The following APBA1 variants were observed in gnomAD, a reference collection of about 807,000 sequenced individuals.
APBA1 encodes amyloid-beta A4 precursor protein-binding family A member 1.
Under a neutral mutation model 86.6 loss-of-function variants are expected in APBA1, and 55 were observed. That is an observed-to-expected ratio of 0.64 (90% CI 0.51 to 0.80). APBA1 has a LOEUF of 0.80. Ranked by LOEUF, APBA1 falls within the 30% of genes least tolerant of loss-of-function variation. The pLI, the probability that APBA1 is intolerant of heterozygous loss-of-function variation, is 0.00. For missense variants in APBA1, 1,090 were observed against 1,183.0 expected (o/e 0.92, Z 1.15); for synonymous variants, 511 against 493.9 (o/e 1.03, Z -0.46).
At chr9:69,637,769 T>C (rs1253006085) in intron 1 of APBA1, among the ~76,000 whole-genome samples, 2 of 152,188 alleles carry the variant, frequency 1.3e-5, no homozygotes, top group Admixed American at 6.5e-5. Flanking sequence ...TTCAAAACTG[T>C]CATACTTTTT....
chr9:69,456,352 C>A lies in APBA1; in HGVS notation c.1683G>T (p.Arg561=), dbSNP rs368799633. The A allele has an allele frequency of 3.9e-5, 63 of 1,614,012 alleles. No individual in the cohort carries two copies. The highest frequency in any genetic ancestry group is 3.1e-4 in the East Asian group (14 of 44,894). ...CCTGGGAGTTGGAGCGAGGCATCCG[C>A]CGGCGGGCCATCAGCACAACGATGT... The part of the protein sequence containing the change: ...IGNIVVLMAR[R]RMPRSNSQEN... Residue 561 remains arginine (R), a synonymous_variant, in exon 8 of 13, where the codon CGG becomes CGT. Transcript: ENST00000265381.
intron 1 of APBA1, among the ~76,000 whole-genome samples, chr9:69,528,714 C>T (rs1211645374): frequency 6.6e-6 from 1 of 151,886 alleles, no homozygotes; most frequent in Non-Finnish European, 1.5e-5. Flanking sequence ...GGTATTAAAT[C>T]ACCAGGTACA....
chr9:69,623,351 T>C (rs1822864285), intron 1 of APBA1, among the ~76,000 whole-genome samples: 1 of 144,426 alleles, frequency 6.9e-6, no homozygotes, highest in Admixed American at 7.4e-5. Context: ...TAGATTTTCT[T>C]TTTTTTCTTT....
At chr9:69,588,550 A>C (rs1034598445) in intron 1 of APBA1, among the ~76,000 whole-genome samples, 4 of 152,000 alleles carry the variant, frequency 2.6e-5, no homozygotes, top group Non-Finnish European at 4.4e-5. Flanking sequence ...TGAGAAAAAA[A>C]AACAGTTTGG....
chr9:69,538,434 A>T (rs1836548129), intron 1 of APBA1, among the ~76,000 whole-genome samples: 1 of 152,196 alleles, frequency 6.6e-6, no homozygotes, highest in Non-Finnish European at 1.5e-5. Flanking sequence ...AAATCCATGG[A>T]ACTTAATAAG....
At chr9:69,482,711 T>G (rs1835535544) in intron 2 of APBA1, among the ~76,000 whole-genome samples, 1 of 151,808 alleles carries the variant, frequency 6.6e-6, no homozygotes, top group Admixed American at 6.6e-5. Flanking sequence ...TAGCAAAGAC[T>G]TGGAACCAAC....
At chr9:69,511,765 C>A (rs910799723) in intron 2 of APBA1, among the ~76,000 whole-genome samples, 1 of 151,850 alleles carries the variant, frequency 6.6e-6, no homozygotes, top group Non-Finnish European at 1.5e-5. Flanking sequence ...GAGTTCATGT[C>A]CTTTGTAGGG....
rs531137974 is a variant in APBA1, at chr9:69,561,749, G to A, written c.-69-44470C>T. On this transcript the variant is annotated intron_variant, in intron 1 of 12. Transcript: ENST00000265381. ...GGTTCAAGCAATTCTCCCTGCCTCA[G>A]CCTCTCAAGTAGCTGGGATTACAGG... Among the ~76,000 whole-genome samples, 174 of 151,964 alleles carry A rather than the reference G, an allele frequency of 1.1e-3. 1 individual carries two copies. Among genetic ancestry groups the A allele is most frequent in the Non-Finnish European group, 2.0e-3 (138 of 67,982 alleles).
At chr9:69,470,109 G>T (rs1287542392) in intron 4 of APBA1, among the ~76,000 whole-genome samples, 1 of 152,106 alleles carries the variant, frequency 6.6e-6, no homozygotes, top group African/African-American at 2.4e-5. Flanking sequence ...ACAAATATCA[G>T]ACCTAAACAC....
intron 2 of APBA1, among the ~76,000 whole-genome samples, chr9:69,491,540 G>T (rs1036614003): frequency 4.0e-5 from 6 of 151,220 alleles, no homozygotes; most frequent in African/African-American, 1.5e-4. Context: ...CCAACGTGGC[G>T]CATGTATACA....
At chr9:69,468,679 T>C (rs551452751) in intron 4 of APBA1, among the ~76,000 whole-genome samples, 3 of 152,376 alleles carry the variant, frequency 2.0e-5, no homozygotes, top group African/African-American at 7.2e-5. Context: ...AATTTTCTGT[T>C]CTATTTTACC....
Position 69,427,857 on chromosome 9 carries a change from C to T in APBA1, c.*3470G>A. On this transcript the variant is annotated 3_prime_UTR_variant, in exon 13 of 13. Coordinates refer to ENST00000265381, the MANE Select transcript of APBA1 (RefSeq NM_001163.4). ...AAATACAATACTATACTTCTCCCGA[C>T]ACTTTACAATAAGCTCTATTTCACC... is the stretch of plus-strand genomic sequence containing the variant. 1 of 152,274 alleles carries T rather than the reference C, an allele frequency of 6.6e-6. No individual in the cohort carries two copies. Among genetic ancestry groups the T allele is most frequent in the Admixed American group, 6.5e-5 (1 of 15,298 alleles). The allele number at this position is 152,274 out of a possible 1,614,324, so 9.4% of individuals were successfully genotyped here. A position where few individuals can be genotyped will look rare whatever the true frequency, so the allele number is the denominator to read the frequency against.
At chr9:69,432,512 C>A (rs759566638) in intron 12 of APBA1, 24 bp downstream of exon 12, 5 of 1,497,622 alleles carry the variant, frequency 3.3e-6, no homozygotes, top group Non-Finnish European at 4.5e-6. Context: ...CTCAGCACCA[C>A]CCTCAGCCCC....
At chr9:69,563,494 A>G (rs1204004817) in intron 1 of APBA1, among the ~76,000 whole-genome samples, 4 of 152,188 alleles carry the variant, frequency 2.6e-5, no homozygotes, top group Non-Finnish European at 5.9e-5. Flanking sequence ...ATTCAAAAGC[A>G]TAAAAGATGC....
At chr9:69,532,899 G>A (rs1836454892) in intron 1 of APBA1, among the ~76,000 whole-genome samples, 1 of 152,126 alleles carries the variant, frequency 6.6e-6, no homozygotes, top group South Asian at 2.1e-4. Flanking sequence ...ACCACTCAGA[G>A]GAATTTACGT....
chr9:69,491,490 A>T (rs975212084), intron 2 of APBA1, among the ~76,000 whole-genome samples: 1 of 151,930 alleles, frequency 6.6e-6, no homozygotes, highest in South Asian at 2.1e-4. Flanking sequence ...GCATTAGGAG[A>T]GATACCTAAT....
intron 1 of APBA1, among the ~76,000 whole-genome samples, chr9:69,649,267 T>C (rs1324404299): frequency 6.6e-6 from 1 of 152,150 alleles, no homozygotes; most frequent in African/African-American, 2.4e-5. Context: ...ACAAATCTGA[T>C]CATGTCTTTC....
intron 1 of APBA1, among the ~76,000 whole-genome samples, chr9:69,523,173 C>T (rs1228880932): frequency 2.0e-5 from 3 of 152,036 alleles, no homozygotes; most frequent in South Asian, 2.1e-4. Flanking sequence ...AGCAGAGGCT[C>T]GTGTTGATTT....
At chr9:69,520,143 TG>T (rs1337957912) in intron 1 of APBA1, among the ~76,000 whole-genome samples, 1 of 152,202 alleles carries the variant, frequency 6.6e-6, no homozygotes, top group African/African-American at 2.4e-5. Context: ...ACATTGACTT[TG>T]GGGGTTTCCC....
Sources: allele counts gnomAD v4.1 joint callset (sites outside exome capture counted in the v4.1 genomes callset), GRCh38; gene constraint gnomAD v4.1.1; transcripts MANE v1.5; gene names NCBI Gene and HGNC (gene_info 2026-07-23, HGNC 2026-07-21).